The following CHSY3 variants were observed in gnomAD, a reference collection of about 807,000 sequenced individuals.
CHSY3 encodes N-acetylgalactosaminyl-proteoglycan 3-beta-glucuronosyltransferase 3.
Under a neutral mutation model 67.2 loss-of-function variants are expected in CHSY3, and 35 were observed. The observed-to-expected ratio is 0.52, with a 90% CI of 0.40 to 0.69. The LOEUF (loss-of-function observed/expected upper bound fraction) is 0.69. Ranked by LOEUF, CHSY3 falls within the 30% of genes least tolerant of loss-of-function variation. The probability of loss-of-function intolerance (pLI) is 0.00; values close to 1 mark genes in which losing one functional copy is unlikely to be tolerated. For synonymous variants in CHSY3, 474 were observed against 434.7 expected, an observed-to-expected ratio of 1.09 and a Z score of -1.12; for missense variants, 1,069 against 1,138.5, an observed-to-expected ratio of 0.94 and a Z score of 0.88.
At chr5:130,094,879 G>T (rs1766995116) in intron 2 of CHSY3, among the ~76,000 whole-genome samples, 1 of 152,034 alleles carries the variant, frequency 6.6e-6, no homozygotes, top group Admixed American at 6.6e-5. Flanking sequence ...ATGCATATTA[G>T]TGAGGAATTT....
chr5:129,972,878 G>A (rs977874911), intron 2 of CHSY3, among the ~76,000 whole-genome samples: 1 of 151,992 alleles, frequency 6.6e-6, no homozygotes, highest in African/African-American at 2.4e-5. Context: ...TGTCTTCTCT[G>A]TTTCATAGGC....
intron 2 of CHSY3, among the ~76,000 whole-genome samples, chr5:130,024,128 A>T (rs1764470615): frequency 9.1e-6 from 1 of 109,812 alleles, no homozygotes; most frequent in Admixed American, 1.0e-4. Context: ...CTTCCCTATG[A>T]TTGATGGTCA....
intron 2 of CHSY3, among the ~76,000 whole-genome samples, chr5:129,993,421 A>G (rs1763429807): frequency 6.6e-6 from 1 of 152,108 alleles, no homozygotes; most frequent in Non-Finnish European, 1.5e-5. Flanking sequence ...TATTTAGGAT[A>G]GTTAGCTCTT....
intron 2 of CHSY3, among the ~76,000 whole-genome samples, chr5:129,982,531 C>T (rs1307943462): frequency 6.6e-6 from 1 of 151,792 alleles, no homozygotes; most frequent in East Asian, 1.9e-4. Context: ...ATTGTTAGTT[C>T]AGCATATAAT....
chr5:130,107,358 G>T, intron 2 of CHSY3, among the ~76,000 whole-genome samples: 1 of 151,202 alleles, frequency 6.6e-6, no homozygotes, highest in Non-Finnish European at 1.5e-5. Flanking sequence ...ACATTACTCA[G>T]CAAAAGAGTA....
chr5:130,182,683 T>A (rs1020137719), intron 2 of CHSY3, among the ~76,000 whole-genome samples: 2 of 152,010 alleles, frequency 1.3e-5, no homozygotes, highest in Non-Finnish European at 2.9e-5. Flanking sequence ...AGGGGATCCG[T>A]TTTTACTTTT....
chr5:129,988,503 C>T (rs983707791), intron 2 of CHSY3, among the ~76,000 whole-genome samples: 7 of 152,130 alleles, frequency 4.6e-5, no homozygotes, highest in Non-Finnish European at 8.8e-5. Context: ...TAAAGGTTGG[C>T]CTCTGCCATT....
chr5:130,029,869 G>A (rs1031831964), intron 2 of CHSY3, among the ~76,000 whole-genome samples: 1 of 151,990 alleles, frequency 6.6e-6, no homozygotes, highest in African/African-American at 2.4e-5. Flanking sequence ...GAAATGGAGG[G>A]GTTGAAGTCC....
At chr5:130,112,923 C>T (rs1767633915) in intron 2 of CHSY3, among the ~76,000 whole-genome samples, 1 of 152,026 alleles carries the variant, frequency 6.6e-6, no homozygotes, top group African/African-American at 2.4e-5. Flanking sequence ...GGCTAAATAA[C>T]TCAGTGATTA....
intron 2 of CHSY3, among the ~76,000 whole-genome samples, chr5:130,099,457 A>G (rs1767157587): frequency 1.3e-5 from 2 of 152,248 alleles, no homozygotes; most frequent in Admixed American, 6.5e-5. Context: ...AAAGTCTTAT[A>G]TAATTCTCAA....
intron 2 of CHSY3, among the ~76,000 whole-genome samples, chr5:130,002,897 G>A (rs1276378958): frequency 6.6e-6 from 1 of 152,116 alleles, no homozygotes; most frequent in African/African-American, 2.4e-5. Flanking sequence ...TAACCCAACT[G>A]TAATTCCAAA....
chr5:129,904,580 G>A lies in CHSY3; in HGVS notation c.-250G>A. 1 of 472,452 alleles carries A rather than the reference G, an allele frequency of 2.1e-6. No individual in the cohort carries two copies. 29.3% of individuals were successfully genotyped at this position (472,452 alleles called of 1,614,324 possible). A position where few individuals can be genotyped will look rare whatever the true frequency, so the allele number is the denominator to read the frequency against. On this transcript the variant is annotated 5_prime_UTR_variant, in exon 1 of 3. Coordinates refer to ENST00000305031, the MANE Select transcript of CHSY3 (RefSeq NM_175856.5). ...CGCCGCTGCCGCCACCGCCGCCGCC[G>A]GGAGAAGTTTCACTCCCGACCCTTG... is the stretch of plus-strand genomic sequence containing the variant.
chr5:130,175,063 T>G (rs144410009), intron 2 of CHSY3, among the ~76,000 whole-genome samples: 4,233 of 152,252 alleles, frequency 0.028, 90 homozygotes, highest in Admixed American at 0.043. Flanking sequence ...TTTATGAATG[T>G]GGGTGCTCCT....
intron 2 of CHSY3, among the ~76,000 whole-genome samples, chr5:129,946,164 T>G (rs1038104069): frequency 7.2e-5 from 11 of 152,164 alleles, no homozygotes; most frequent in African/African-American, 2.4e-4. Flanking sequence ...GTATGTGGCT[T>G]GATGTTAAAT....
rs1761427354 is a variant in CHSY3 at position 129,934,562 on chromosome 5, T to TC, written c.1086+26203dup. Among the ~76,000 whole-genome samples the TC allele has an allele frequency of 3.3e-5, 5 of 152,168 alleles. No individual in the cohort carries two copies. In the South Asian group the frequency reaches 1.0e-3, roughly 31 times the overall value. ...ATTAGGAAGGTAACTGGAGCAGCAGTCTGTAGCAGGTTCTGGAGGAGTAAG... is the reference window on the plus strand; with the variant it reads ...ATTAGGAAGGTAACTGGAGCAGCAGTCCTGTAGCAGGTTCTGGAGGAGTAAG... On this transcript the variant is annotated intron_variant, in intron 2 of 2. Transcript: ENST00000305031.
intron 2 of CHSY3, among the ~76,000 whole-genome samples, chr5:129,994,865 G>A (rs1763486111): frequency 6.6e-6 from 1 of 151,456 alleles, no homozygotes; most frequent in African/African-American, 2.4e-5. Flanking sequence ...CTTGGACACA[G>A]GGTGGGGAAC....
rs182405096 is a variant in CHSY3 at position 130,014,971 on chromosome 5, C to T, written c.1086+106611C>T. 2.0e-5 allele frequency among the ~76,000 whole-genome samples: 3 copies of T among 152,248 alleles called. No homozygotes were observed. The East Asian group carries it at 5.8e-4, about 29-fold the overall frequency. ...TGCAAACCATACATCTGACAAAGGT[C>T]AAATATCTATAATATATAAGGAACT... On this transcript the variant is annotated intron_variant, in intron 2 of 2. Transcript: ENST00000305031.
At chr5:130,125,216 A>G (rs1768226738) in intron 2 of CHSY3, among the ~76,000 whole-genome samples, 1 of 152,200 alleles carries the variant, frequency 6.6e-6, no homozygotes, top group African/African-American at 2.4e-5. Flanking sequence ...TCCTGTTGTT[A>G]TCACTTAAGA....
At chr5:129,960,426 A>C (rs1033617705) in intron 2 of CHSY3, among the ~76,000 whole-genome samples, 1 of 152,082 alleles carries the variant, frequency 6.6e-6, no homozygotes, top group African/African-American at 2.4e-5. Context: ...AATAACTTCA[A>C]GGATTAATGT....
Sources: allele counts gnomAD v4.1 joint callset (sites outside exome capture counted in the v4.1 genomes callset), GRCh38; gene constraint gnomAD v4.1.1; transcripts MANE v1.5; gene names NCBI Gene and HGNC (gene_info 2026-07-23, HGNC 2026-07-21).